PIK3CA: variants seen among roughly 807,000 people sequenced by gnomAD.
PIK3CA encodes phosphatidylinositol 4,5-bisphosphate 3-kinase catalytic subunit alpha isoform.
In PIK3CA, 27 loss-of-function variants were observed where a neutral mutation model predicts 138.2. The ratio of observed to expected loss-of-function variants is 0.20; its 90% confidence interval spans 0.14 to 0.27. PIK3CA has a LOEUF of 0.27. Among genes scored for constraint, PIK3CA ranks in the 10% least tolerant of loss-of-function variants. The pLI, the probability that PIK3CA is intolerant of heterozygous loss-of-function variation, is 1.00. For synonymous variants in PIK3CA, 358 were observed against 413.2 expected, an observed-to-expected ratio of 0.87 and a Z score of 1.62; for missense variants, 544 against 1,277.4, an observed-to-expected ratio of 0.43 and a Z score of 8.75.
intron 6 of PIK3CA, among the ~76,000 whole-genome samples, chr3:179,207,889 G>A (rs7638323): frequency 0.24 from 36,554 of 151,766 alleles, 5,149 homozygotes; most frequent in African/African-American, 0.39. Context: ...ACAATTATAT[G>A]TGTTACTGGG....
rs952034152 is a variant in PIK3CA, at chr3:179,235,473, A to G, written c.*1109A>G. 2 of 189,914 alleles carry G rather than the reference A, an allele frequency of 1.1e-5. No individual in the cohort carries two copies. Among genetic ancestry groups the G allele is most frequent in the African/African-American group, 2.3e-5 (1 of 42,946 alleles). 11.8% of individuals were successfully genotyped at this position (189,914 alleles called of 1,614,324 possible). A position where few individuals can be genotyped will look rare whatever the true frequency, so the allele number is the denominator to read the frequency against. ...CTCAGGCACTATCCCATTTATACCA[A>G]TAACCAGTGTATAACTACTTAAGGA... is the stretch of plus-strand genomic sequence containing the variant. On this transcript the variant is annotated 3_prime_UTR_variant, in exon 21 of 21. Coordinates refer to ENST00000263967, the MANE Select transcript of PIK3CA (RefSeq NM_006218.4).
intron 1 of PIK3CA, among the ~76,000 whole-genome samples, chr3:179,186,894 A>G (rs1723995251): frequency 1.3e-5 from 2 of 152,188 alleles, no homozygotes. Flanking sequence ...TGAGGCAACC[A>G]GGTGCATAGA....
intron 20 of PIK3CA, among the ~76,000 whole-genome samples, chr3:179,231,831 C>T (rs1352997604): frequency 6.6e-6 from 1 of 151,510 alleles, no homozygotes; most frequent in Non-Finnish European, 1.5e-5. Context: ...TTAGTAGAGA[C>T]GGGGTTTCAC....
intron 1 of PIK3CA, among the ~76,000 whole-genome samples, chr3:179,169,777 T>C (rs1560126688): frequency 6.6e-6 from 1 of 152,240 alleles, no homozygotes; most frequent in South Asian, 2.1e-4. Context: ...AAAGCTGTTA[T>C]AATACTTCTT....
At chr3:179,211,361 T>C (rs1370258686) in intron 9 of PIK3CA, among the ~76,000 whole-genome samples, 1 of 152,198 alleles carries the variant, frequency 6.6e-6, no homozygotes. Flanking sequence ...GCTCAAGCAT[T>C]GCATATATCC....
In PIK3CA at chr3:179,236,833, C is replaced by T; in HGVS notation, c.*2469C>T. On this transcript the variant is annotated 3_prime_UTR_variant, in exon 21 of 21. Coordinates refer to ENST00000263967, the MANE Select transcript of PIK3CA (RefSeq NM_006218.4). ...AAAGAACCAAACATTGAATTAAATG[C>T]TACATGGGTGACTAAGATCTGTTTC... 4.7e-6 allele frequency: 1 copy of T among 211,326 alleles called. No individual in the cohort carries two copies. Among genetic ancestry groups the T allele is most frequent in the South Asian group, 1.9e-4 (1 of 5,392 alleles). 13.1% of individuals were successfully genotyped at this position (211,326 alleles called of 1,614,324 possible). A position where few individuals can be genotyped will look rare whatever the true frequency, so the allele number is the denominator to read the frequency against.
In PIK3CA at chr3:179,224,724, C is replaced by T. The variant is rs2108417863; in HGVS notation, c.2319C>T (p.Ser773=). 1 of 1,607,554 alleles carries T rather than the reference C, an allele frequency of 6.2e-7. No homozygotes were observed. Among genetic ancestry groups the T allele is most frequent in the Non-Finnish European group, 8.5e-7 (1 of 1,174,954 alleles). The change falls in exon 16 of 21, where the codon TCC becomes TCT. Residue 773 remains serine, a synonymous_variant. Coordinates refer to ENST00000263967, the MANE Select transcript of PIK3CA (RefSeq NM_006218.4). ...NLRLEECRIM[S]SAKRPLWLNW... is the part of the protein sequence containing the mutation. ...GGCTTGAAGAGTGTCGAATTATGTC[C>T]TCTGCAAAAAGGCCACTGTGGTTGA...
rs1725399751 is a variant in PIK3CA, at chr3:179,239,602, T to C, written c.*5238T>C. ...GTGTGATTCAGTCCTCAGACCTAATTGGGTTGAATAAAATCTAAAAGAATA... is the reference window on the plus strand; with the variant it reads ...GTGTGATTCAGTCCTCAGACCTAATCGGGTTGAATAAAATCTAAAAGAATA... On this transcript the variant is annotated 3_prime_UTR_variant, in exon 21 of 21. Coordinates refer to ENST00000263967, the MANE Select transcript of PIK3CA (RefSeq NM_006218.4). The C allele has an allele frequency of 4.3e-6, 1 of 233,038 alleles. No homozygotes were observed. Among genetic ancestry groups the C allele is most frequent in the Non-Finnish European group, 8.4e-6 (1 of 118,532 alleles). The allele number at this position is 233,038 out of a possible 1,614,324, so 14.4% of individuals were successfully genotyped here.
chr3:179,215,304 TTC>T (rs1348171844), intron 9 of PIK3CA, among the ~76,000 whole-genome samples: 4 of 152,230 alleles, frequency 2.6e-5, no homozygotes, highest in African/African-American at 9.6e-5. Flanking sequence ...GATGACTGTA[TTC>T]TTTCTTAAAA....
chr3:179,232,952 G>T (rs1213314895), intron 20 of PIK3CA, among the ~76,000 whole-genome samples: 2 of 151,994 alleles, frequency 1.3e-5, no homozygotes, highest in Non-Finnish European at 2.9e-5. Context: ...CCACCTCCTG[G>T]GTTTAAGCAA....
Position 179,198,842 on chromosome 3 carries a change from C to A in PIK3CA, c.17C>A (p.Ser6Ter), listed in dbSNP as rs2108384987. ...ATCAGAACAATGCCTCCACGACCAT[C>A]ATCAGGTGAACTGTGGGGCATCCAC... The part of the protein sequence containing the change: MPPRP[S>*]SGELWGIHLM... Residue 6 changes from serine (S) to a stop codon, truncating the protein, a stop_gained, in exon 2 of 21, where the codon TCA (serine) becomes TAA (stop). Transcript: ENST00000263967. LOFTEE classifies it high-confidence loss of function. 6.5e-7 allele frequency: 1 copy of A among 1,549,368 alleles called. No homozygotes were observed. The highest frequency in any genetic ancestry group is 1.2e-5 in the South Asian group (1 of 81,584).
Position 179,219,755 on chromosome 3 carries a change from T to A in PIK3CA, c.1911+20T>A. ...GTACAGGTAAAATAATGTAAAATAG[T>A]AAATAATGTTTAATTACAATAATAA... On this transcript the variant is annotated intron_variant, in intron 12 of 20. Coordinates refer to ENST00000263967, the MANE Select transcript of PIK3CA (RefSeq NM_006218.4). The surrounding 1 kb of genome is among the most constrained non-coding windows in gnomAD (Gnocchi z 4.2). 6.9e-7 allele frequency: 1 copy of A among 1,444,044 alleles called. No homozygotes were observed. Among genetic ancestry groups the A allele is most frequent in the Non-Finnish European group, 9.5e-7 (1 of 1,048,428 alleles). 89.5% of individuals were successfully genotyped at this position (1,444,044 alleles called of 1,614,324 possible).
intron 1 of PIK3CA, among the ~76,000 whole-genome samples, chr3:179,189,563 C>T (rs1344644494): frequency 6.6e-6 from 1 of 152,026 alleles, no homozygotes; most frequent in Non-Finnish European, 1.5e-5. Flanking sequence ...AAATACTACT[C>T]ACCTAAGCCT....
At chr3:179,196,217 C>T (rs1205495335) in intron 1 of PIK3CA, among the ~76,000 whole-genome samples, 1 of 152,110 alleles carries the variant, frequency 6.6e-6, no homozygotes, top group Non-Finnish European at 1.5e-5. Context: ...TCTGGTAGTT[C>T]CATAATAGAG....
intron 1 of PIK3CA, among the ~76,000 whole-genome samples, chr3:179,164,276 G>C (rs1487402517): frequency 1.3e-5 from 2 of 152,076 alleles, no homozygotes; most frequent in Admixed American, 6.5e-5. Context: ...TCATTCATCT[G>C]TGCACCGCTA....
At chr3:179,173,919 G>A (rs1039567294) in intron 1 of PIK3CA, among the ~76,000 whole-genome samples, 2 of 151,578 alleles carry the variant, frequency 1.3e-5, no homozygotes, top group Non-Finnish European at 2.9e-5. Context: ...GTAGAGACAG[G>A]GTTTCGCTAT....
chr3:179,175,241 A>G (rs7651265), intron 1 of PIK3CA, among the ~76,000 whole-genome samples: 19,117 of 152,062 alleles, frequency 0.13, 1,228 homozygotes, highest in African/African-American at 0.14. Context: ...GTGTTATTCT[A>G]CTCCTACAAT....
At chr3:179,212,304 G>A (rs1218093968) in intron 9 of PIK3CA, among the ~76,000 whole-genome samples, 4 of 145,310 alleles carry the variant, frequency 2.8e-5, no homozygotes, top group East Asian at 2.3e-4. Flanking sequence ...CACCGCGCCC[G>A]GCCAAACTTT....
Position 179,230,036 on chromosome 3 carries a change from C to A in PIK3CA, c.2699C>A (p.Ser900Ter). 1.2e-6 allele frequency: 2 copies of A among 1,613,136 alleles called. No homozygotes were observed. The highest frequency in any genetic ancestry group is 2.2e-5 in the South Asian group (2 of 91,040). ...YDAAIDLFTR[S>*]CAGYCVATFI... is the part of the protein sequence containing the mutation. ...GCAGCCATTGACCTGTTTACACGTT[C>A]ATGTGCTGGATACTGTGTAGCTACC... The change falls in exon 19 of 21, where the codon TCA becomes TAA. Residue 900 changes from serine (S) to a stop codon, truncating the protein, a stop_gained. Transcript: ENST00000263967. LOFTEE classifies it high-confidence loss of function. This position sits in a 1 kb window ranked among gnomAD's most constrained non-coding sequence, Gnocchi z 5.4.
Sources: gnomAD v4.1 joint callset for allele counts (sites outside exome capture counted in the v4.1 genomes callset) on GRCh38, gnomAD v4.1.1 for gene constraint, Gnocchi (gnomAD v3.1) non-coding constraint, MANE v1.5 for transcripts, NCBI Gene and HGNC (gene_info 2026-07-23, HGNC 2026-07-21) for gene names.